The following IL7 variants were observed in gnomAD, a reference collection of about 807,000 sequenced individuals.
IL7 encodes interleukin-7.
Under a neutral mutation model 21.6 loss-of-function variants are expected in IL7, and 3 were observed. The ratio of observed to expected loss-of-function variants is 0.14; its 90% confidence interval spans 0.06 to 0.36. IL7 has a LOEUF of 0.36. Ranked by LOEUF, IL7 falls within the 10% of genes least tolerant of loss-of-function variation. The pLI is 1.00. For synonymous variants in IL7, 62 were observed against 68.1 expected (o/e 0.91, Z 0.44); for missense variants, 175 against 200.2 (o/e 0.87, Z 0.76).
intron 2 of IL7, 161 bp downstream of exon 2, chr8:78,797,911 C>A: frequency 2.1e-6 from 1 of 473,050 alleles, no homozygotes; most frequent in South Asian, 5.2e-5. Flanking sequence ...ATAATTATGT[C>A]AGCTATAAAA....
chr8:78,737,911 A>G (rs896774097), intron 4 of IL7, among the ~76,000 whole-genome samples: 9 of 152,112 alleles, frequency 5.9e-5, no homozygotes, highest in African/African-American at 1.9e-4. Context: ...CACAATGTAG[A>G]TATGTTTTTC....
In IL7 at chr8:78,788,802, G is replaced by A. The variant is rs1390528149; in HGVS notation, c.147+9270C>T. ...TACTGATTTCCTCCCTGCTGAATCT[G>A]TCAATTACTGACAGAAGGCTGTGAA... On this transcript the variant is annotated intron_variant, in intron 2 of 5. Transcript: ENST00000263851. 3.5e-4 allele frequency among the ~76,000 whole-genome samples: 53 copies of A among 152,158 alleles called. 1 individual carries two copies.
chr8:78,706,508 G>C (rs371110615), intron 3 of IL7, among the ~76,000 whole-genome samples: 1 of 152,254 alleles, frequency 6.6e-6, no homozygotes, highest in South Asian at 2.1e-4. Flanking sequence ...TTGGAGAAGC[G>C]TGGTTTCCCA....
intron 3 of IL7, chr8:78,689,204 C>T (rs776287698): frequency 2.0e-5 from 29 of 1,446,004 alleles, no homozygotes; most frequent in African/African-American, 8.8e-5. Flanking sequence ...AATCTGTTTC[C>T]GTTTTTATCT....
downstream of IL7, chr8:78,717,533 T>G: frequency 6.5e-7 from 1 of 1,544,184 alleles, no homozygotes; most frequent in Non-Finnish European, 8.7e-7. Flanking sequence ...GTTCAGAGTT[T>G]ATGATTATTG....
At chr8:78,738,687 AT>A in intron 3 of IL7, 52 bp from the exon 4 acceptor site, 1 of 1,561,104 alleles carries the variant, frequency 6.4e-7, no homozygotes, top group Non-Finnish European at 8.7e-7. Context: ...ATATTAAGAA[AT>A]TATAAGCTTT....
At chr8:78,711,379 T>C (rs958471692) in intron 3 of IL7, among the ~76,000 whole-genome samples, 6 of 152,202 alleles carry the variant, frequency 3.9e-5, no homozygotes, top group African/African-American at 1.4e-4. Context: ...AATGTGTGTG[T>C]GTATATATAG....
chr8:78,741,040 A>C (rs1811762937), intron 2 of IL7, among the ~76,000 whole-genome samples: 1 of 152,200 alleles, frequency 6.6e-6, no homozygotes, highest in Admixed American at 6.5e-5. Flanking sequence ...TCTGGGACTG[A>C]AAGCAATCTT....
chr8:78,743,787 G>C (rs1481316163), intron 2 of IL7, among the ~76,000 whole-genome samples: 2 of 151,894 alleles, frequency 1.3e-5, no homozygotes, highest in Non-Finnish European at 2.9e-5. Flanking sequence ...AATGTTCGAC[G>C]TTGCCTACCT....
chr8:78,798,267 G>A, intron 1 of IL7, 59 bp from the exon 2 acceptor site: 1 of 1,300,450 alleles, frequency 7.7e-7, no homozygotes, highest in South Asian at 1.5e-5. Flanking sequence ...ATTTGATTGT[G>A]GGGTTTCAAT....
At chr8:78,714,680 T>G (rs955094382), downstream of IL7, among the ~76,000 whole-genome samples, 1 of 152,230 alleles carries the variant, frequency 6.6e-6, no homozygotes, top group Non-Finnish European at 1.5e-5. Context: ...TGATTTCGGA[T>G]AGCCCAGGCT....
chr8:78,695,668 A>G (rs1810378058), intron 3 of IL7, among the ~76,000 whole-genome samples: 1 of 152,138 alleles, frequency 6.6e-6, no homozygotes, highest in Non-Finnish European at 1.5e-5. Context: ...ATATATATAT[A>G]GTGGCCCAGA....
intron 2 of IL7, among the ~76,000 whole-genome samples, chr8:78,742,244 A>G (rs1482443862): frequency 6.6e-6 from 1 of 152,102 alleles, no homozygotes; most frequent in Non-Finnish European, 1.5e-5. Flanking sequence ...GAATCGCTTG[A>G]ACCTGGGAGG....
chr8:78,702,555 G>C (rs897312848), intron 3 of IL7, among the ~76,000 whole-genome samples: 2 of 151,936 alleles, frequency 1.3e-5, no homozygotes, highest in Admixed American at 6.6e-5. Flanking sequence ...TGTGATCTTT[G>C]GTTGTTAACT....
rs111824186 is a variant in IL7 at position 78,776,914 on chromosome 8, T to C, written c.147+21158A>G. ...ATAACATAAGTAGATGCAGTATAAA[T>C]TACTCCCTGGCAGATGAAAACATCT... On this transcript the variant is annotated intron_variant, in intron 2 of 5. Transcript: ENST00000263851. Among the ~76,000 whole-genome samples the C allele has an allele frequency of 3.4e-3, 520 of 152,146 alleles. 3 individuals carry two copies. Among genetic ancestry groups the C allele is most frequent in the African/African-American group, 0.012 (486 of 41,526 alleles).
At chr8:78,681,782 G>A (rs1037431931) in intron 4 of IL7, among the ~76,000 whole-genome samples, 2 of 151,522 alleles carry the variant, frequency 1.3e-5, no homozygotes, top group African/African-American at 4.8e-5. Flanking sequence ...TGCCCATTTT[G>A]TCATAATTAT....
chr8:78,705,890 G>C (rs1810757801), intron 3 of IL7, among the ~76,000 whole-genome samples: 1 of 152,026 alleles, frequency 6.6e-6, no homozygotes, highest in Non-Finnish European at 1.5e-5. Context: ...TGTTGTGCTG[G>C]GTTACCACTT....
chr8:78,795,950 G>T (rs964251573), intron 2 of IL7, among the ~76,000 whole-genome samples: 2 of 151,982 alleles, frequency 1.3e-5, no homozygotes, highest in African/African-American at 4.8e-5. Flanking sequence ...TTCAGTATGA[G>T]TATGTGGAAG....
intron 3 of IL7, among the ~76,000 whole-genome samples, chr8:78,696,950 T>A (rs940941821): frequency 1.3e-5 from 2 of 152,210 alleles, no homozygotes; most frequent in Non-Finnish European, 2.9e-5. Context: ...TTTGAGGAAG[T>A]TTTTTCCGTT....
Sources: gnomAD v4.1 joint callset for allele counts (sites outside exome capture counted in the v4.1 genomes callset) on GRCh38, gnomAD v4.1.1 for gene constraint, MANE v1.5 for transcripts, NCBI Gene and HGNC (gene_info 2026-07-23, HGNC 2026-07-21) for gene names.